SNX29: variants seen among roughly 807,000 people sequenced by gnomAD.
SNX29 encodes the protein sorting nexin 29, also known as sorting nexin-29.
A neutral mutation model predicts 102.1 loss-of-function variants in SNX29; 78 were observed. The ratio of observed to expected loss-of-function variants is 0.76; its 90% CI spans 0.64 to 0.92. The LOEUF (loss-of-function observed/expected upper bound fraction) is 0.92. SNX29 is among the 40% of genes least tolerant of loss of function. SNX29 has a pLI of 0.00. For synonymous variants in SNX29, 580 were observed against 414.5 expected (o/e 1.40, Z -4.85); for missense variants, 1,280 against 1,061.7 (o/e 1.21, Z -2.86).
At chr16:12,550,270 C>A (rs768330669) in intron 20 of SNX29, among the ~76,000 whole-genome samples, 1 of 152,144 alleles carries the variant, frequency 6.6e-6, no homozygotes, top group Non-Finnish European at 1.5e-5. Flanking sequence ...GACACAGAGG[C>A]TTATACCTGT....
intron 3 of SNX29, among the ~76,000 whole-genome samples, chr16:12,022,923 G>C (rs1345095508): frequency 1.5e-5 from 2 of 133,246 alleles, no homozygotes; most frequent in African/African-American, 5.7e-5. Context: ...TTGAGACCAA[G>C]TCTCTCTCTG....
chr16:12,549,886 C>T (rs781506513), intron 20 of SNX29, among the ~76,000 whole-genome samples: 84 of 152,230 alleles, frequency 5.5e-4, no homozygotes, highest in African/African-American at 1.2e-3. Flanking sequence ...CAGACTAGAA[C>T]AGAGATCAGA....
intron 18 of SNX29, among the ~76,000 whole-genome samples, chr16:12,454,921 T>G (rs1253451871): frequency 6.6e-6 from 1 of 152,078 alleles, no homozygotes; most frequent in Non-Finnish European, 1.5e-5. Context: ...AATTATTTCG[T>G]GTTTTTAGCA....
chr16:11,982,995 A>G (rs541894540), intron 1 of SNX29, among the ~76,000 whole-genome samples: 13 of 152,122 alleles, frequency 8.5e-5, no homozygotes, highest in Non-Finnish European at 1.6e-4. Context: ...CAGTGCCACT[A>G]TCTTGGCTCA....
At chr16:12,036,555 C>G (rs1012128902) in intron 4 of SNX29, among the ~76,000 whole-genome samples, 7 of 152,008 alleles carry the variant, frequency 4.6e-5, no homozygotes, top group Non-Finnish European at 1.0e-4. Context: ...AGGATGGTCT[C>G]GATCTCCTGA....
chr16:12,507,995 G>A (rs1345648489), intron 19 of SNX29, among the ~76,000 whole-genome samples: 3 of 152,234 alleles, frequency 2.0e-5, no homozygotes, highest in Admixed American at 6.5e-5. Context: ...CCTGGAAGCC[G>A]TGTGGACCTG....
intron 19 of SNX29, among the ~76,000 whole-genome samples, chr16:12,512,869 C>T (rs35770678): frequency 3.3e-5 from 5 of 152,258 alleles, no homozygotes; most frequent in Admixed American, 6.5e-5. Flanking sequence ...CTCTGCAGGG[C>T]GAGGCCTGTT....
At chr16:12,394,230 A>C (rs116490400) in intron 16 of SNX29, among the ~76,000 whole-genome samples, 108 of 152,340 alleles carry the variant, frequency 7.1e-4, no homozygotes, top group African/African-American at 2.5e-3. Context: ...TTCACCCATC[A>C]GAGGTCCGTT....
intron 19 of SNX29, among the ~76,000 whole-genome samples, chr16:12,485,352 T>G (rs575204016): frequency 3.9e-5 from 6 of 152,308 alleles, no homozygotes; most frequent in African/African-American, 1.4e-4. Flanking sequence ...CGAATGAGAA[T>G]AGAGAGACTG....
At chr16:12,319,149 C>T (rs1341882231) in intron 15 of SNX29, among the ~76,000 whole-genome samples, 2 of 152,166 alleles carry the variant, frequency 1.3e-5, no homozygotes, top group Non-Finnish European at 2.9e-5. Flanking sequence ...ACATTCCAGC[C>T]CTTGTATAAG....
intron 13 of SNX29, among the ~76,000 whole-genome samples, chr16:12,137,231 G>A (rs1356558732): frequency 1.3e-5 from 2 of 152,226 alleles, no homozygotes; most frequent in Non-Finnish European, 2.9e-5. Flanking sequence ...CCCTCAGTAA[G>A]CGCTCAGTGA....
At chr16:12,449,587 G>A (rs1015149442) in intron 18 of SNX29, among the ~76,000 whole-genome samples, 1 of 152,122 alleles carries the variant, frequency 6.6e-6, no homozygotes, top group African/African-American at 2.4e-5. Context: ...GTTGATCAGG[G>A]GCTCAAATGC....
chr16:12,318,389 C>A (rs2080822647), intron 15 of SNX29, among the ~76,000 whole-genome samples: 1 of 152,196 alleles, frequency 6.6e-6, no homozygotes, highest in Non-Finnish European at 1.5e-5. Context: ...GGATGGGAAC[C>A]AGCAGGTAGA....
intron 15 of SNX29, among the ~76,000 whole-genome samples, chr16:12,318,393 A>C (rs539957409): frequency 1.3e-5 from 2 of 152,306 alleles, no homozygotes; most frequent in East Asian, 3.9e-4. Flanking sequence ...GGGAACCAGC[A>C]GGTAGAGAGT....
At chr16:11,994,396 T>C (rs1420195120) in intron 1 of SNX29, among the ~76,000 whole-genome samples, 1 of 152,118 alleles carries the variant, frequency 6.6e-6, no homozygotes, top group Non-Finnish European at 1.5e-5. Flanking sequence ...AGCAGGAACA[T>C]GGGGTTTGAT....
chr16:12,559,532 T>TC (rs1555459486), intron 20 of SNX29, among the ~76,000 whole-genome samples: 3 of 151,852 alleles, frequency 2.0e-5, no homozygotes, highest in South Asian at 4.2e-4. Context: ...CTCAAAAGCA[T>TC]CCCCACCCCC....
chr16:12,555,887 C>G lies in SNX29; in HGVS notation c.2319-12619C>G, dbSNP rs978188382. Among the ~76,000 whole-genome samples the G allele has an allele frequency of 4.6e-5, 7 of 152,136 alleles. No homozygotes were observed. In the East Asian group the frequency reaches 1.4e-3, roughly 29 times the overall value. ...TTCTCCAGAGGCCGTGCTTTCTGCC[C>G]TCCTGTTCTTGGTCTCAAACCTTAT... On this transcript the variant is annotated intron_variant, in intron 20 of 20. Transcript: ENST00000566228.
chr16:12,370,085 G>A (rs2082628148), intron 16 of SNX29, among the ~76,000 whole-genome samples: 1 of 150,796 alleles, frequency 6.6e-6, no homozygotes, highest in African/African-American at 2.4e-5. Context: ...AACTGGGCGT[G>A]GTAGCATGTG....
chr16:12,359,769 C>T (rs548094368), intron 16 of SNX29, among the ~76,000 whole-genome samples: 1 of 152,238 alleles, frequency 6.6e-6, no homozygotes, highest in African/African-American at 2.4e-5. Flanking sequence ...TCATAAATAC[C>T]CAATATTTAC....
Sources: allele counts gnomAD v4.1 joint callset (sites outside exome capture counted in the v4.1 genomes callset), GRCh38; gene constraint gnomAD v4.1.1; transcripts MANE v1.5; gene names NCBI Gene and HGNC (gene_info 2026-07-23, HGNC 2026-07-21).